ZCCHC7: variants seen among roughly 807,000 people sequenced by gnomAD.
ZCCHC7 encodes the protein zinc finger CCHC domain-containing protein 7.
In ZCCHC7, 35 loss-of-function variants were observed where a neutral mutation model predicts 52.0. That is an observed-to-expected ratio of 0.67 (90% confidence interval 0.51 to 0.89). ZCCHC7 has a LOEUF of 0.89. Ranked by LOEUF, ZCCHC7 falls within the 40% of genes least tolerant of loss-of-function variation. The pLI is 0.00. For synonymous variants in ZCCHC7, 217 were observed against 221.5 expected, an observed-to-expected ratio of 0.98 and a Z score of 0.18; for missense variants, 574 against 649.1, an observed-to-expected ratio of 0.88 and a Z score of 1.26.
upstream of ZCCHC7, among the ~76,000 whole-genome samples, chr9:37,120,301 C>T (rs1326136815): frequency 6.6e-6 from 1 of 152,348 alleles, no homozygotes; most frequent in Non-Finnish European, 1.5e-5. Flanking sequence ...AATAGCATCT[C>T]CTTCGTACGA....
chr9:37,219,856 G>A (rs1322601696), intron 2 of ZCCHC7, among the ~76,000 whole-genome samples: 1 of 152,176 alleles, frequency 6.6e-6, no homozygotes, highest in Non-Finnish European at 1.5e-5. Flanking sequence ...TTGATGAAAT[G>A]TAACTTGAAC....
At chr9:37,337,459 G>A (rs897433911) in intron 6 of ZCCHC7, among the ~76,000 whole-genome samples, 5 of 133,468 alleles carry the variant, frequency 3.7e-5, no homozygotes, top group East Asian at 2.2e-4. Context: ...AGACACATAC[G>A]CATCCCCCTT....
chr9:37,130,072 C>G (rs1199920266), intron 2 of ZCCHC7, among the ~76,000 whole-genome samples: 2 of 151,966 alleles, frequency 1.3e-5, no homozygotes, highest in South Asian at 2.1e-4. Context: ...AACCCCATCT[C>G]TACTAAAAAT....
intron 2 of ZCCHC7, among the ~76,000 whole-genome samples, chr9:37,244,521 A>C (rs1826002750): frequency 6.6e-6 from 1 of 151,858 alleles, no homozygotes; most frequent in Admixed American, 6.6e-5. Flanking sequence ...TTTAAATATG[A>C]TTTGATTTAT....
At chr9:37,279,150 G>A (rs1827825638) in intron 2 of ZCCHC7, among the ~76,000 whole-genome samples, 1 of 151,938 alleles carries the variant, frequency 6.6e-6, no homozygotes, top group African/African-American at 2.4e-5. Context: ...AGGAATGAAG[G>A]GAAAACTTGT....
At chr9:37,220,251 A>G (rs1004180003) in intron 2 of ZCCHC7, among the ~76,000 whole-genome samples, 8 of 152,162 alleles carry the variant, frequency 5.3e-5, no homozygotes, top group Admixed American at 2.6e-4. Flanking sequence ...TCAAAATGGA[A>G]GGGCATCGGC....
At chr9:37,172,661 A>G (rs1204117323) in intron 2 of ZCCHC7, among the ~76,000 whole-genome samples, 1 of 152,220 alleles carries the variant, frequency 6.6e-6, no homozygotes, top group Non-Finnish European at 1.5e-5. Context: ...TGATTGAGCA[A>G]TGTGGGCATT....
chr9:37,302,159 G>A (rs747095676), intron 2 of ZCCHC7, 29 bp from the exon 3 acceptor site: 12 of 1,588,360 alleles, frequency 7.6e-6, no homozygotes, highest in East Asian at 4.5e-5. Context: ...AAAGTGCCAC[G>A]GTTAAGTAAT....
At chr9:37,128,804 G>A (rs1176095253) in intron 2 of ZCCHC7, among the ~76,000 whole-genome samples, 2 of 152,184 alleles carry the variant, frequency 1.3e-5, no homozygotes, top group African/African-American at 4.8e-5. Context: ...CACTTTGAAG[G>A]ATTCCATAAC....
chr9:37,225,472 C>T (rs1034852880), intron 2 of ZCCHC7, among the ~76,000 whole-genome samples: 2 of 152,022 alleles, frequency 1.3e-5, no homozygotes, highest in African/African-American at 4.8e-5. Flanking sequence ...TTACACAAAA[C>T]CCAGGCAAGA....
intron 2 of ZCCHC7, among the ~76,000 whole-genome samples, chr9:37,285,681 G>A (rs975047820): frequency 6.6e-6 from 1 of 152,152 alleles, no homozygotes; most frequent in African/African-American, 2.4e-5. Context: ...ATAAATAGAA[G>A]AGTTAACCAG....
intron 2 of ZCCHC7, among the ~76,000 whole-genome samples, chr9:37,208,441 T>C (rs1824039174): frequency 6.6e-6 from 1 of 152,186 alleles, no homozygotes; most frequent in Non-Finnish European, 1.5e-5. Flanking sequence ...CCTTTCTCAC[T>C]TCTAGCTTTA....
intron 2 of ZCCHC7, among the ~76,000 whole-genome samples, chr9:37,148,261 C>G (rs1261226730): frequency 2.0e-5 from 3 of 152,006 alleles, no homozygotes; most frequent in African/African-American, 4.8e-5. Flanking sequence ...CTGGTACTTA[C>G]AAAGATGAAT....
At chr9:37,311,517 A>G (rs1383875626) in intron 5 of ZCCHC7, among the ~76,000 whole-genome samples, 2 of 152,002 alleles carry the variant, frequency 1.3e-5, no homozygotes, top group African/African-American at 2.4e-5. Flanking sequence ...GATTCGAGCA[A>G]TTCTGCCTCA....
chr9:37,335,869 T>A (rs1346742391), intron 6 of ZCCHC7, among the ~76,000 whole-genome samples: 1 of 152,196 alleles, frequency 6.6e-6, no homozygotes, highest in African/African-American at 2.4e-5. Flanking sequence ...AAAAATGCAA[T>A]ATCACTTTGA....
intron 2 of ZCCHC7, among the ~76,000 whole-genome samples, chr9:37,297,523 A>G (rs1358307243): frequency 2.0e-5 from 3 of 152,258 alleles, no homozygotes; most frequent in African/African-American, 4.8e-5. Context: ...ATGCTGAATC[A>G]TACATACCTA....
chr9:37,229,033 A>G (rs1315413470), intron 2 of ZCCHC7, among the ~76,000 whole-genome samples: 2 of 151,800 alleles, frequency 1.3e-5, no homozygotes, highest in Non-Finnish European at 2.9e-5. Flanking sequence ...AAAGGGTTTC[A>G]CCGTGTTGCC....
chr9:37,349,499 G>C, intron 7 of ZCCHC7, 47 bp downstream of exon 7: 2 of 1,552,554 alleles, frequency 1.3e-6, no homozygotes, highest in Non-Finnish European at 8.8e-7. Context: ...TTGTCAGGGA[G>C]TGTTTTCTGA....
At chr9:37,340,748 A>AC (rs1820586631) in intron 6 of ZCCHC7, among the ~76,000 whole-genome samples, 2 of 152,198 alleles carry the variant, frequency 1.3e-5, no homozygotes, top group African/African-American at 4.8e-5. Context: ...TCCACTGGAA[A>AC]CCACTATTGA....
Sources: gnomAD v4.1 joint callset for allele counts (sites outside exome capture counted in the v4.1 genomes callset) on GRCh38, gnomAD v4.1.1 for gene constraint, MANE v1.5 for transcripts, NCBI Gene and HGNC (gene_info 2026-07-23, HGNC 2026-07-21) for gene names.